Variants in CAMSAP1 observed in about 807,000 individuals in gnomAD.
The protein encoded by CAMSAP1 is calmodulin regulated spectrin associated protein 1.
Under a neutral mutation model 143.5 loss-of-function variants are expected in CAMSAP1, and 58 were observed. The observed-to-expected ratio is 0.40, with a 90% confidence interval of 0.33 to 0.50. The LOEUF is 0.50. Ranked by LOEUF, CAMSAP1 falls within the 20% of genes least tolerant of loss-of-function variation. CAMSAP1 has a pLI of 0.45. For missense variants in CAMSAP1, 1,969 were observed against 2,115.7 expected, an observed-to-expected ratio of 0.93 and a Z score of 1.36; for synonymous variants, 945 against 859.3, an observed-to-expected ratio of 1.10 and a Z score of -1.74.
At chr9:135,906,934 C>T (rs2131044671) in intron 1 of CAMSAP1, 66 bp downstream of exon 1, 4 of 902,068 alleles carry the variant, frequency 4.4e-6, no homozygotes, top group Middle Eastern at 5.5e-4. Context: ...CGGCCGGACC[C>T]CGGCCGCGTC....
intron 3 of CAMSAP1, 150 bp downstream of exon 3, chr9:135,881,483 T>G: frequency 1.1e-6 from 1 of 880,542 alleles, no homozygotes; most frequent in Non-Finnish European, 1.7e-6. Context: ...TCTTTTTAAC[T>G]ACAGCAGACA....
In CAMSAP1 at chr9:135,827,393, A is replaced by G. The variant is rs1196059264; in HGVS notation, c.1223+14T>C. The G allele has an allele frequency of 2.0e-6, 3 of 1,484,394 alleles. No individual in the cohort carries two copies. Among genetic ancestry groups the G allele is most frequent in the East Asian group, 2.4e-5 (1 of 42,304 alleles). The allele number at this position is 1,484,394 out of a possible 1,614,324, so 92.0% of individuals were successfully genotyped here. On this transcript the variant is annotated intron_variant, in intron 8 of 16. Transcript: ENST00000389532. ...GATGGTGAACTGATTCTGAAAGCAGAAAGACAGACTTACAGGTATTCAGGT... is the reference window on the plus strand; with the variant it reads ...GATGGTGAACTGATTCTGAAAGCAGGAAGACAGACTTACAGGTATTCAGGT...
intron 7 of CAMSAP1, among the ~76,000 whole-genome samples, chr9:135,840,136 C>T (rs370671936): frequency 2.6e-5 from 4 of 152,174 alleles, no homozygotes; most frequent in African/African-American, 7.2e-5. Flanking sequence ...CAAGAGCAGC[C>T]GTGCATTCTG....
At chr9:135,847,144 G>A (rs1002560477) in intron 7 of CAMSAP1, among the ~76,000 whole-genome samples, 45 of 151,538 alleles carry the variant, frequency 3.0e-4, no homozygotes, top group Admixed American at 5.3e-4. Context: ...TCAAGAGATC[G>A]AGACCATCCT....
Position 135,862,619 on chromosome 9 carries a change from T to C in CAMSAP1, c.667-11A>G, listed in dbSNP as rs1450385104. On this transcript the variant is annotated splice_polypyrimidine_tract_variant and intron_variant, in intron 4 of 16. Coordinates refer to ENST00000389532, the MANE Select transcript of CAMSAP1 (RefSeq NM_015447.4). ...TCGTCGATAGCGGACCTGTAGTTGA[T>C]AAAAGGAAAACGGTCTCTGCATGTG... 16 of 1,551,440 alleles carry C rather than the reference T, an allele frequency of 1.0e-5. No homozygotes were observed. In the Admixed American group the frequency reaches 2.5e-4, roughly 25 times the overall value.
intron 5 of CAMSAP1, among the ~76,000 whole-genome samples, chr9:135,852,335 G>A (rs559764060): frequency 6.6e-6 from 1 of 152,260 alleles, no homozygotes; most frequent in South Asian, 2.1e-4. Context: ...TCACAGGAAA[G>A]TTTTACATTT....
intron 3 of CAMSAP1, among the ~76,000 whole-genome samples, chr9:135,876,926 T>C (rs1334394320): frequency 6.6e-6 from 1 of 152,114 alleles, no homozygotes; most frequent in Non-Finnish European, 1.5e-5. Context: ...AGAGAATCGC[T>C]TGAACCCAGG....
At chr9:135,880,292 G>A (rs981048402) in intron 3 of CAMSAP1, among the ~76,000 whole-genome samples, 1 of 152,108 alleles carries the variant, frequency 6.6e-6, no homozygotes, top group Non-Finnish European at 1.5e-5. Flanking sequence ...ACGCCGCCAG[G>A]TGAGAGCCAG....
At position 135,907,434 on chromosome 9, in the gene CAMSAP1, G is replaced by A. The variant is rs1337637435; in HGVS notation, c.-275C>T. On this transcript the variant is annotated 5_prime_UTR_variant, in exon 1 of 17. Coordinates refer to ENST00000389532, the MANE Select transcript of CAMSAP1 (RefSeq NM_015447.4). The stretch of plus-strand genomic sequence containing the variant: ...GAGGGCGCGGGCCGGGGGCGGGGGC[G>A]GGCGCGGGGGCGGGAGCGGGCCGGG... 6.9e-6 allele frequency among the ~76,000 whole-genome samples: 1 copy of A among 145,982 alleles called. No homozygotes were observed. Among genetic ancestry groups the A allele is most frequent in the African/African-American group, 2.5e-5 (1 of 40,720 alleles).
At chr9:135,852,353 G>T (rs1372303675) in intron 5 of CAMSAP1, among the ~76,000 whole-genome samples, 2 of 152,108 alleles carry the variant, frequency 1.3e-5, no homozygotes, top group East Asian at 3.9e-4. Context: ...TTTTGATATG[G>T]TTACATTTAA....
intron 7 of CAMSAP1, chr9:135,836,414 T>C: frequency 1.0e-6 from 1 of 983,858 alleles, no homozygotes; most frequent in Non-Finnish European, 1.2e-6. Context: ...TTCTACTCCG[T>C]TCTACAGACA....
intron 1 of CAMSAP1, among the ~76,000 whole-genome samples, chr9:135,892,848 CAAAAA>C (rs59978082): frequency 2.4e-5 from 1 of 42,076 alleles, no homozygotes; most frequent in African/African-American, 1.1e-4. Context: ...AAGACTGTCT[CAAAAA>C]AAAAAAAAAA....
rs761605741 is a variant in CAMSAP1, at chr9:135,823,126, G to T, written c.1535C>A (p.Thr512Asn). 6.2e-7 allele frequency: 1 copy of T among 1,613,952 alleles called. No individual in the cohort carries two copies. Among genetic ancestry groups the T allele is most frequent in the Non-Finnish European group, 8.5e-7 (1 of 1,179,862 alleles). Residue 512 changes from threonine (T) to asparagine (N), a missense_variant, in exon 11 of 17, where the codon ACC becomes AAC. Thr to Asn is a moderately conservative substitution (Grantham distance 65). This residue lies in a region of CAMSAP1 where 1,390 missense variants were observed against 1,420.8 expected (regional missense o/e 0.98). Transcript: ENST00000389532. ...DSLASNIVNLTPQNQPHPTAT... is the reference protein window; with the variant it reads ...DSLASNIVNLNPQNQPHPTAT... ...CGTGGGGTGTGGCTGGTTCTGTGGGGTCAGATTAACAATGTTGGATGCCAA... is the reference window on the plus strand; with the variant it reads ...CGTGGGGTGTGGCTGGTTCTGTGGGTTCAGATTAACAATGTTGGATGCCAA...
rs1045811393 is a variant in CAMSAP1, at chr9:135,882,342, A to G, written c.423+474T>C. Among the ~76,000 whole-genome samples, 3 of 152,206 alleles carry G rather than the reference A, an allele frequency of 2.0e-5. No homozygotes were observed. The highest frequency in any genetic ancestry group is 2.9e-5 in the Non-Finnish European group (2 of 68,034). On this transcript the variant is annotated intron_variant, in intron 2 of 16. Transcript: ENST00000389532. This position sits in a 1 kb window ranked among gnomAD's most constrained non-coding sequence, Gnocchi z 4.9. ...GGGAGCAACCAAACAAAGGCAGTGC[A>G]GGAGGCACCGAGAATGGCCCTGACC...
intron 1 of CAMSAP1, among the ~76,000 whole-genome samples, chr9:135,892,044 T>C (rs773830518): frequency 2.0e-5 from 3 of 152,194 alleles, no homozygotes; most frequent in African/African-American, 4.8e-5. Context: ...TATGAGACGA[T>C]GTCAAAAGTT....
intron 16 of CAMSAP1, among the ~76,000 whole-genome samples, chr9:135,813,373 A>C (rs1424074677): frequency 1.3e-5 from 2 of 152,396 alleles, no homozygotes; most frequent in East Asian, 3.8e-4. Context: ...GCAATGTATC[A>C]GCATATAATG....
At chr9:135,869,508 A>AAC (rs995605887) in intron 3 of CAMSAP1, among the ~76,000 whole-genome samples, 18 of 144,126 alleles carry the variant, frequency 1.2e-4, no homozygotes, top group South Asian at 4.5e-4. Context: ...GTCTCAAACA[A>AAC]AAAAAAAAAA....
chr9:135,830,467 A>C (rs544273069), intron 7 of CAMSAP1, among the ~76,000 whole-genome samples: 2 of 152,262 alleles, frequency 1.3e-5, no homozygotes, highest in Non-Finnish European at 2.9e-5. Context: ...TCTAGAGACA[A>C]GGGTCAATTC....
At chr9:135,846,168 G>C (rs1390544138) in intron 7 of CAMSAP1, among the ~76,000 whole-genome samples, 47 of 150,616 alleles carry the variant, frequency 3.1e-4, no homozygotes, top group Admixed American at 3.1e-3. Flanking sequence ...GCATGGTACT[G>C]GTACCAAAAC....
Sources: gnomAD v4.1 joint callset for allele counts (sites outside exome capture counted in the v4.1 genomes callset) on GRCh38, gnomAD v4.1.1 for gene constraint, gnomAD v4.1.1 regional missense constraint, Gnocchi (gnomAD v3.1) non-coding constraint, MANE v1.5 for transcripts, NCBI Gene and HGNC (gene_info 2026-07-23, HGNC 2026-07-21) for gene names.